The following PCLO variants were observed in gnomAD, a reference collection of about 807,000 sequenced individuals.
PCLO encodes the protein piccolo presynaptic cytomatrix protein, also known as protein piccolo.
PCLO carries 82 observed loss-of-function variants against 427.5 expected under a neutral mutation model. The observed-to-expected ratio is 0.19, with a 90% CI of 0.16 to 0.23. PCLO has a LOEUF of 0.23. Ranked by LOEUF, PCLO falls within the 10% of genes least tolerant of loss-of-function variation. PCLO has a pLI of 1.00. For synonymous variants in PCLO, 2,357 were observed against 2,155.4 expected, an observed-to-expected ratio of 1.09 and a Z score of -2.59; for missense variants, 6,239 against 6,115.9, an observed-to-expected ratio of 1.02 and a Z score of -0.67.
At chr7:82,824,646 T>A (rs1176766708) in intron 18 of PCLO, among the ~76,000 whole-genome samples, 1 of 150,224 alleles carries the variant, frequency 6.7e-6, no homozygotes, top group African/African-American at 2.5e-5. Context: ...CTGTATAAAA[T>A]TTTTGACTAT....
At chr7:83,096,170 C>A (rs781128007) in intron 3 of PCLO, among the ~76,000 whole-genome samples, 4 of 151,918 alleles carry the variant, frequency 2.6e-5, no homozygotes, top group Admixed American at 2.6e-4. Context: ...GAGTGTTTTT[C>A]TAACGTGTTC....
intron 2 of PCLO, among the ~76,000 whole-genome samples, chr7:83,137,655 T>A (rs1182660437): frequency 2.0e-5 from 3 of 151,842 alleles, no homozygotes; most frequent in South Asian, 2.1e-4. Context: ...ATGGTCTCCA[T>A]CTCCTGACCT....
At chr7:82,768,819 AAT>A (rs1790586611) in intron 22 of PCLO, among the ~76,000 whole-genome samples, 1 of 152,152 alleles carries the variant, frequency 6.6e-6, no homozygotes, top group Admixed American at 6.5e-5. Flanking sequence ...ATCTTTGAAA[AAT>A]ATGTGTATGT....
At chr7:83,008,436 T>A (rs1788000573) in intron 3 of PCLO, among the ~76,000 whole-genome samples, 1 of 151,748 alleles carries the variant, frequency 6.6e-6, no homozygotes, top group Admixed American at 6.6e-5. Context: ...ATGTATTTTG[T>A]AATTTAATAT....
chr7:83,094,365 T>A (rs1790477205), intron 3 of PCLO, among the ~76,000 whole-genome samples: 1 of 151,938 alleles, frequency 6.6e-6, no homozygotes, highest in Non-Finnish European at 1.5e-5. Flanking sequence ...TGCGCCACCA[T>A]GCCCAGCTAA....
At chr7:83,002,865 C>T (rs1479108492) in intron 3 of PCLO, among the ~76,000 whole-genome samples, 1 of 151,648 alleles carries the variant, frequency 6.6e-6, no homozygotes, top group Non-Finnish European at 1.5e-5. Context: ...GTTCTGAGGT[C>T]TAATGGTAAG....
intron 8 of PCLO, among the ~76,000 whole-genome samples, chr7:82,907,679 A>G (rs923723823): frequency 2.0e-5 from 3 of 151,952 alleles, no homozygotes; most frequent in Admixed American, 6.6e-5. Context: ...AGGGAAATAT[A>G]TGCCTAAACA....
chr7:82,879,881 AC>A (rs1253194615), intron 9 of PCLO: 1 of 442,164 alleles, frequency 2.3e-6, no homozygotes, highest in South Asian at 1.6e-5. Context: ...AATCATACAT[AC>A]AATTGTAATT....
chr7:82,757,235 G>A lies in PCLO; in HGVS notation c.*1340C>T, dbSNP rs1469288864. ...CTGAGTGTTTTTTCCACAACTTCAC[G>A]TTACTTCCTTAATTAATAATGCTGA... On this transcript the variant is annotated 3_prime_UTR_variant, in exon 25 of 25. Transcript: ENST00000333891. The A allele has an allele frequency of 2.6e-5, 4 of 152,002 alleles. No homozygotes were observed. Among genetic ancestry groups the A allele is most frequent in the East Asian group, 1.9e-4 (1 of 5,192 alleles). 9.4% of individuals were successfully genotyped at this position (152,002 alleles called of 1,614,324 possible).
At position 82,953,094 on chromosome 7, in the gene PCLO, A is replaced by T; in HGVS notation, c.7859T>A (p.Phe2620Tyr). ...SKDLVSVEPV[F>Y]SVVPPVTAVE... The stretch of plus-strand genomic sequence containing the variant: ...AGCTGTCACAGGAGGAACTACAGAA[A>T]ACACAGGTTCAACAGAAACCAGATC... The change falls in exon 5 of 25, where the codon TTT (phenylalanine) becomes TAT (tyrosine). Residue 2620 changes from phenylalanine (F) to tyrosine (Y), a missense_variant. By Grantham distance (22) the Phe-to-Tyr change is conservative. Transcript: ENST00000333891. 6.2e-7 allele frequency: 1 copy of T among 1,613,966 alleles called. No individual in the cohort carries two copies. Among genetic ancestry groups the T allele is most frequent in the Non-Finnish European group, 8.5e-7 (1 of 1,179,868 alleles).
chr7:82,845,711 T>C (rs1792484045), intron 12 of PCLO, among the ~76,000 whole-genome samples: 1 of 152,164 alleles, frequency 6.6e-6, no homozygotes, highest in Non-Finnish European at 1.5e-5. Flanking sequence ...ATAGTGAAGT[T>C]CCCGTTGCAT....
At chr7:83,041,912 T>C (rs911009904) in intron 3 of PCLO, among the ~76,000 whole-genome samples, 2 of 152,106 alleles carry the variant, frequency 1.3e-5, no homozygotes, top group African/African-American at 4.8e-5. Context: ...CCCTAGGGCT[T>C]TCAAAGATAT....
intron 3 of PCLO, among the ~76,000 whole-genome samples, chr7:83,116,455 T>C (rs1210015320): frequency 6.6e-6 from 1 of 152,206 alleles, no homozygotes; most frequent in African/African-American, 2.4e-5. Flanking sequence ...TTTTGTTCAG[T>C]AAGTTTCAGT....
chr7:83,012,476 G>A lies in PCLO; in HGVS notation c.3301-45989C>T, dbSNP rs186930285. Among the ~76,000 whole-genome samples the A allele has an allele frequency of 5.4e-3, 814 of 152,056 alleles. 3 individuals carry two copies. The highest frequency in any genetic ancestry group is 0.018 in the African/African-American group (762 of 41,486). The stretch of plus-strand genomic sequence containing the variant: ...CTACTAAAAATACAAAATTAGCCAG[G>A]AGTGGTGGCGGGCACCTGTAATCCC... On this transcript the variant is annotated intron_variant, in intron 3 of 24. Transcript: ENST00000333891.
intron 9 of PCLO, among the ~76,000 whole-genome samples, chr7:82,898,621 A>T (rs1042439890): frequency 2.6e-5 from 4 of 151,318 alleles, no homozygotes; most frequent in Non-Finnish European, 5.9e-5. Context: ...ATTCTTCACT[A>T]CTTCCTTGCT....
Position 83,097,049 on chromosome 7 carries a change from TA to T in PCLO, c.3300+37200del, listed in dbSNP as rs1342457360. Among the ~76,000 whole-genome samples the T allele has an allele frequency of 9.4e-4, 31 of 32,902 alleles. 4 individuals carry two copies. The highest frequency in any genetic ancestry group is 2.5e-3 in the African/African-American group (18 of 7,124). 21.6% of individuals were successfully genotyped at this position (32,902 alleles called of 152,430 possible). A position where few individuals can be genotyped will look rare whatever the true frequency, so the allele number is the denominator to read the frequency against. On this transcript the variant is annotated intron_variant, in intron 3 of 24. Transcript: ENST00000333891. ...ATATAAATATATATTATATATTATA[TA>T]AATATATTATACATTATACATTATA...
intron 6 of PCLO, among the ~76,000 whole-genome samples, chr7:82,922,095 G>A (rs1794608772): frequency 6.6e-6 from 1 of 151,990 alleles, no homozygotes; most frequent in South Asian, 2.1e-4. Context: ...AACAGATGTT[G>A]ACTAGGTTGT....
chr7:82,896,081 C>T (rs1466973160), intron 9 of PCLO, among the ~76,000 whole-genome samples: 1 of 151,750 alleles, frequency 6.6e-6, no homozygotes, highest in Non-Finnish European at 1.5e-5. Flanking sequence ...AAATTGCTGG[C>T]AAGAATGCAA....
chr7:82,985,789 AT>A (rs1375094805), intron 3 of PCLO, among the ~76,000 whole-genome samples: 1 of 151,968 alleles, frequency 6.6e-6, no homozygotes, highest in Non-Finnish European at 1.5e-5. Flanking sequence ...TTTATTAAAA[AT>A]ATCTCACAGT....
Sources: gnomAD v4.1 joint callset for allele counts (sites outside exome capture counted in the v4.1 genomes callset) on GRCh38, gnomAD v4.1.1 for gene constraint, MANE v1.5 for transcripts, NCBI Gene and HGNC (gene_info 2026-07-23, HGNC 2026-07-21) for gene names.